Variants in HTT observed in about 807,000 individuals in gnomAD.
HTT encodes huntington disease protein.
HTT carries 104 observed loss-of-function variants against 362.3 expected under a neutral mutation model. The ratio of observed to expected loss-of-function variants is 0.29; its 90% CI spans 0.24 to 0.34. HTT has a LOEUF of 0.34. Among genes scored for constraint, HTT ranks in the 10% least tolerant of loss-of-function variants. The pLI, the probability that HTT is intolerant of heterozygous loss-of-function variation, is 1.00. For synonymous variants in HTT, 1,577 were observed against 1,548.7 expected, an observed-to-expected ratio of 1.02 and a Z score of -0.43; for missense variants, 3,301 against 3,928.6, an observed-to-expected ratio of 0.84 and a Z score of 4.27.
chr4:3,121,629 A>G (rs931958134), intron 9 of HTT, 197 bp downstream of exon 9: 17 of 472,118 alleles, frequency 3.6e-5, no homozygotes, highest in Middle Eastern at 5.7e-4. Flanking sequence ...TAATTTCAGC[A>G]CTTTGGAAGG....
chr4:3,201,670 G>A lies in HTT; in HGVS notation c.5576+1731G>A, dbSNP rs576824103. 2.0e-4 allele frequency among the ~76,000 whole-genome samples: 31 copies of A among 152,160 alleles called. 1 individual carries two copies. The highest frequency in any genetic ancestry group is 7.0e-4 in the African/African-American group (29 of 41,518). On this transcript the variant is annotated intron_variant, in intron 41 of 66. Transcript: ENST00000355072. Reference sequence around the variant, plus strand: ...TAACAAGCATGTGAGTGTCTAAGGTGTCCCCGTGGTGGAAGGAAAAAATAA... The same window carrying A: ...TAACAAGCATGTGAGTGTCTAAGGTATCCCCGTGGTGGAAGGAAAAAATAA...
rs558314003 is a variant in HTT at position 3,187,723 on chromosome 4, A to G, written c.5062A>G (p.Thr1688Ala). The change falls in exon 39 of 67, where the codon ACT becomes GCT. Residue 1688 changes from threonine (T) to alanine (A), a missense_variant. This residue lies in a region of HTT where 2,316 missense variants were observed against 2,658.5 expected (regional missense o/e 0.87). Coordinates refer to ENST00000355072, the MANE Select transcript of HTT (RefSeq NM_001388492.1). The stretch of plus-strand genomic sequence containing the variant: ...TTTGAGGGTTCTGATTTCCCAGTCA[A>G]CTGAAGATATTGTTCTTTCTCGTAT... ...AILRVLISQS[T>A]EDIVLSRIQE... is the part of the protein sequence containing the mutation. 1.4e-5 allele frequency: 22 copies of G among 1,614,194 alleles called. No individual in the cohort carries two copies. Among genetic ancestry groups the G allele is most frequent in the East Asian group, 2.2e-5 (1 of 44,884 alleles).
intron 20 of HTT, 76 bp from the exon 21 acceptor site, chr4:3,136,150 A>G (rs1443896301): frequency 4.6e-6 from 5 of 1,079,852 alleles, no homozygotes; most frequent in Admixed American, 4.0e-5. Flanking sequence ...CTTTCTCACT[A>G]GCTTTCCAAA....
At chr4:3,112,969 A>G (rs1714839585) in intron 6 of HTT, 2 of 868,286 alleles carry the variant, frequency 2.3e-6, no homozygotes, top group South Asian at 5.3e-5. Flanking sequence ...TCACATTATG[A>G]TTTTAATTTC....
chr4:3,221,803 G>A (rs973260968), intron 53 of HTT, among the ~76,000 whole-genome samples: 2 of 152,196 alleles, frequency 1.3e-5, no homozygotes, highest in Non-Finnish European at 2.9e-5. Flanking sequence ...CTGAATCCCC[G>A]TTCCTACCTT....
chr4:3,140,294 G>A (rs1487340249), intron 21 of HTT, among the ~76,000 whole-genome samples: 8 of 151,732 alleles, frequency 5.3e-5, no homozygotes. Context: ...AGAAAGTACA[G>A]CACCCAGTTA....
Position 3,228,348 on chromosome 4 carries a change from C to G in HTT, c.7849-267C>G, listed in dbSNP as rs1398997426. Among the ~76,000 whole-genome samples, 1 of 152,212 alleles carries G rather than the reference C, an allele frequency of 6.6e-6. No individual in the cohort carries two copies. ...AAGCATCCCTTCGTAGAGCCTCTTT[C>G]TGTGTCACCCTCCTCAGCTGCTCCT... On this transcript the variant is annotated intron_variant, in intron 57 of 66. Coordinates refer to ENST00000355072, the MANE Select transcript of HTT (RefSeq NM_001388492.1). This position sits in a 1 kb window ranked among gnomAD's most constrained non-coding sequence, Gnocchi z 4.3.
intron 6 of HTT, among the ~76,000 whole-genome samples, chr4:3,109,352 A>T (rs1199947874): frequency 6.8e-5 from 3 of 44,134 alleles, no homozygotes; most frequent in Non-Finnish European, 1.3e-4. Flanking sequence ...TCAGCCTCCT[A>T]GTAGCTGGGA....
At chr4:3,151,628 C>T (rs1716898441) in intron 26 of HTT, among the ~76,000 whole-genome samples, 1 of 152,146 alleles carries the variant, frequency 6.6e-6, no homozygotes, top group Non-Finnish European at 1.5e-5. Context: ...TTTGAGGGAT[C>T]TAGGTTGCAT....
At chr4:3,109,881 GA>G (rs1394494294) in intron 6 of HTT, among the ~76,000 whole-genome samples, 3 of 152,166 alleles carry the variant, frequency 2.0e-5, no homozygotes, top group African/African-American at 7.2e-5. Flanking sequence ...CAGTGCTGGG[GA>G]CGGGGGGGCC....
At chr4:3,216,193 T>G (rs1175397802) in intron 51 of HTT, among the ~76,000 whole-genome samples, 1 of 152,246 alleles carries the variant, frequency 6.6e-6, no homozygotes, top group Non-Finnish European at 1.5e-5. Flanking sequence ...TGGTTCCCGG[T>G]TCAAGGTTTT....
Position 3,086,829 on chromosome 4 carries a change from G to T in HTT, c.264-110G>T, listed in dbSNP as rs192763340. 1.2e-5 allele frequency: 8 copies of T among 640,164 alleles called. No individual in the cohort carries two copies. In the Admixed American group the frequency reaches 2.0e-4, roughly 16 times the overall value. The allele number at this position is 640,164 out of a possible 1,614,324, so 39.7% of individuals were successfully genotyped here. On this transcript the variant is annotated intron_variant, in intron 1 of 66. Transcript: ENST00000355072. ...TCTGCCCGCAACATGGAGTATAACG[G>T]TTTATTCATAGTAGTCGAGAAACAC...
At position 3,125,579 on chromosome 4, in the gene HTT, T is replaced by G. The variant is rs1466250878; in HGVS notation, c.1352T>G (p.Leu451Trp). 1.2e-6 allele frequency: 2 copies of G among 1,613,832 alleles called. No homozygotes were observed. The highest frequency in any genetic ancestry group is 4.5e-5 in the East Asian group (2 of 44,888). The change falls in exon 11 of 67, where the codon TTG becomes TGG. Residue 451 changes from leucine to tryptophan, a missense_variant. Physicochemically the swap from Leu to Trp is moderately conservative, Grantham distance 61. Around this residue, in one of 4 missense-constraint regions of HTT, gnomAD observed 2,316 missense variants for 2,658.5 expected, o/e 0.87. Transcript: ENST00000355072. Reference protein sequence around the residue: ...GKVLLGEEEALEDDSESRSDV... With the variant: ...GKVLLGEEEAWEDDSESRSDV... ...GTGCTCTTAGGAGAAGAAGAAGCCT[T>G]GGAGGATGACTCTGAATCGAGATCG... is the stretch of plus-strand genomic sequence containing the variant.
chr4:3,139,068 T>C (rs1716216262), intron 21 of HTT, among the ~76,000 whole-genome samples: 1 of 152,274 alleles, frequency 6.6e-6, no homozygotes, highest in Admixed American at 6.5e-5. Flanking sequence ...TTTTTCATTT[T>C]CATCATTGTA....
At chr4:3,221,172 G>A (rs910551733) in intron 53 of HTT, among the ~76,000 whole-genome samples, 3 of 152,110 alleles carry the variant, frequency 2.0e-5, no homozygotes, top group African/African-American at 4.8e-5. Flanking sequence ...CCAGTCCCTC[G>A]GGCTTCTGCA....
At chr4:3,154,757 A>T (rs1279946727) in intron 27 of HTT, among the ~76,000 whole-genome samples, 1 of 152,254 alleles carries the variant, frequency 6.6e-6, no homozygotes, top group Non-Finnish European at 1.5e-5. Context: ...GAAGTGGTGT[A>T]GATGCTTAGG....
chr4:3,183,506 G>A (rs778858501), intron 37 of HTT, among the ~76,000 whole-genome samples: 39 of 152,342 alleles, frequency 2.6e-4, no homozygotes, highest in African/African-American at 9.1e-4. Context: ...CGAGTAGTCC[G>A]TGGTTTTTGG....
At chr4:3,092,133 C>T (rs549796434) in intron 2 of HTT, among the ~76,000 whole-genome samples, 1 of 152,270 alleles carries the variant, frequency 6.6e-6, no homozygotes, top group Non-Finnish European at 1.5e-5. Context: ...TGTGATTCTC[C>T]TGCCTCAGCC....
At chr4:3,226,005 G>T (rs1434569717) in intron 57 of HTT, among the ~76,000 whole-genome samples, 2 of 152,186 alleles carry the variant, frequency 1.3e-5, no homozygotes, top group African/African-American at 4.8e-5. Flanking sequence ...ATAGAGATGT[G>T]TGTAAGAGAC....
Sources: allele counts gnomAD v4.1 joint callset (sites outside exome capture counted in the v4.1 genomes callset), GRCh38; gene constraint gnomAD v4.1.1; regional missense constraint gnomAD v4.1.1; non-coding constraint Gnocchi (gnomAD v3.1); transcripts MANE v1.5; gene names NCBI Gene and HGNC (gene_info 2026-07-23, HGNC 2026-07-21).